PAK1: variants seen among roughly 807,000 people sequenced by gnomAD.
PAK1 encodes the protein p21 (RAC1) activated kinase 1.
Under a neutral mutation model 67.4 loss-of-function variants are expected in PAK1, and 29 were observed. The observed-to-expected ratio is 0.43, with a 90% CI of 0.32 to 0.59. The LOEUF (loss-of-function observed/expected upper bound fraction) is 0.59. PAK1 is among the 20% of genes least tolerant of loss of function. PAK1 has a pLI of 0.07. For missense variants in PAK1, 337 were observed against 670.7 expected, an observed-to-expected ratio of 0.50 and a Z score of 5.50; for synonymous variants, 223 against 237.4, an observed-to-expected ratio of 0.94 and a Z score of 0.56.
the PAK1 span, among the ~76,000 whole-genome samples, chr11:77,503,639 G>T: frequency 3.3e-5 from 5 of 152,168 alleles, no homozygotes; most frequent in African/African-American, 1.2e-4. Flanking sequence ...AAGATGGGAG[G>T]ATTGCTTAAG....
At chr11:77,507,249 G>A in the PAK1 span, among the ~76,000 whole-genome samples, 1 of 152,122 alleles carries the variant, frequency 6.6e-6, no homozygotes, top group Admixed American at 6.5e-5. Flanking sequence ...AGTGGCCAGA[G>A]ATGGGGAGCA....
intron 1 of PAK1, among the ~76,000 whole-genome samples, chr11:77,433,499 G>A (rs1257054816): frequency 6.6e-6 from 1 of 152,124 alleles, no homozygotes; most frequent in Non-Finnish European, 1.5e-5. Flanking sequence ...TAAAAAAGAG[G>A]CTGGGCGCAG....
chr11:77,402,631 AG>A (rs912399378), intron 1 of PAK1, among the ~76,000 whole-genome samples: 22 of 152,250 alleles, frequency 1.4e-4, no homozygotes, highest in African/African-American at 5.3e-4. Context: ...GGAACCATAA[AG>A]GGGCCACTTC....
chr11:77,497,386 C>T, the PAK1 span, among the ~76,000 whole-genome samples: 2 of 152,208 alleles, frequency 1.3e-5, no homozygotes, highest in Admixed American at 1.3e-4. Flanking sequence ...ACTTGATTCT[C>T]CCAAAAGCCA....
At chr11:77,394,278 T>C (rs1258741199) in intron 1 of PAK1, among the ~76,000 whole-genome samples, 2 of 152,166 alleles carry the variant, frequency 1.3e-5, no homozygotes, top group Admixed American at 1.3e-4. Context: ...TTTAGAAATA[T>C]AGATATCCTG....
chr11:77,421,183 C>T (rs747276540), intron 1 of PAK1, among the ~76,000 whole-genome samples: 38 of 152,280 alleles, frequency 2.5e-4, no homozygotes, highest in Admixed American at 1.0e-3. Flanking sequence ...ACCTTATCTC[C>T]GACTTTTCCC....
chr11:77,425,639 C>T (rs998285162), intron 1 of PAK1, among the ~76,000 whole-genome samples: 6 of 152,170 alleles, frequency 3.9e-5, no homozygotes, highest in African/African-American at 1.4e-4. Flanking sequence ...TATCTCTTAT[C>T]CTTAGTGAAA....
At chr11:77,341,717 C>G (rs1943630684) in intron 10 of PAK1, among the ~76,000 whole-genome samples, 2 of 152,224 alleles carry the variant, frequency 1.3e-5, no homozygotes, top group Non-Finnish European at 2.9e-5. Context: ...AAAAACATTT[C>G]TTGCATTGGC....
At chr11:77,349,816 G>C (rs1221473104) in intron 8 of PAK1, among the ~76,000 whole-genome samples, 1 of 152,070 alleles carries the variant, frequency 6.6e-6, no homozygotes, top group South Asian at 2.1e-4. Flanking sequence ...GGGGGTGACA[G>C]GTGGGGAGAA....
At chr11:77,420,235 A>C (rs1047875076) in intron 1 of PAK1, among the ~76,000 whole-genome samples, 1 of 152,228 alleles carries the variant, frequency 6.6e-6, no homozygotes, top group Non-Finnish European at 1.5e-5. Context: ...AGGAGAAAAA[A>C]GTATGAACGG....
chr11:77,431,764 C>T (rs1955870872), intron 1 of PAK1, among the ~76,000 whole-genome samples: 1 of 152,164 alleles, frequency 6.6e-6, no homozygotes, highest in East Asian at 1.9e-4. Context: ...CATGTCATAA[C>T]TAGAAGGGGT....
chr11:77,516,811 T>C, the PAK1 span, among the ~76,000 whole-genome samples: 1 of 125,216 alleles, frequency 8.0e-6, no homozygotes, highest in African/African-American at 3.1e-5. Flanking sequence ...AAGACCAGCC[T>C]GGGCAACATA....
intron 6 of PAK1, among the ~76,000 whole-genome samples, chr11:77,358,630 C>G (rs1408508638): frequency 2.6e-5 from 4 of 152,132 alleles, no homozygotes; most frequent in African/African-American, 7.2e-5. Context: ...CCTGTCCTAT[C>G]TGTGGAGAAC....
intron 2 of PAK1, among the ~76,000 whole-genome samples, chr11:77,388,320 AAC>A (rs1303920237): frequency 6.6e-6 from 1 of 152,230 alleles, no homozygotes; most frequent in African/African-American, 2.4e-5. Context: ...ACGCCTTTGC[AAC>A]ATCACATTTA....
chr11:77,345,048 G>A (rs1446322130), intron 9 of PAK1, among the ~76,000 whole-genome samples: 1 of 152,048 alleles, frequency 6.6e-6, no homozygotes, highest in South Asian at 2.1e-4. Context: ...TTTGTATCAG[G>A]CCAAAGGAAA....
At chr11:77,465,566 T>G (rs1957559338) in intron 1 of PAK1, among the ~76,000 whole-genome samples, 2 of 152,114 alleles carry the variant, frequency 1.3e-5, no homozygotes, top group Admixed American at 6.6e-5. Flanking sequence ...CATATGTAAT[T>G]TATTAAATTA....
chr11:77,384,670 T>G (rs775429472), intron 2 of PAK1, among the ~76,000 whole-genome samples: 2 of 152,222 alleles, frequency 1.3e-5, no homozygotes, highest in Non-Finnish European at 2.9e-5. Context: ...TACTGTGTAA[T>G]TCCATTTATA....
chr11:77,334,208 A>T (rs948429628), intron 13 of PAK1, among the ~76,000 whole-genome samples: 1 of 151,540 alleles, frequency 6.6e-6, no homozygotes. Context: ...ATAAAAAAAT[A>T]TGCCTATGTC....
intron 14 of PAK1, among the ~76,000 whole-genome samples, chr11:77,330,971 C>T (rs1285847972): frequency 6.6e-6 from 1 of 152,068 alleles, no homozygotes; most frequent in African/African-American, 2.4e-5. Context: ...AAAAAGTGGG[C>T]GAAGGATATG....
Sources: allele counts gnomAD v4.1 joint callset (sites outside exome capture counted in the v4.1 genomes callset), GRCh38; gene constraint gnomAD v4.1.1; transcripts MANE v1.5; gene names NCBI Gene and HGNC (gene_info 2026-07-23, HGNC 2026-07-21).